The following PEG3 variants were observed in gnomAD, a reference collection of about 807,000 sequenced individuals.
The protein encoded by PEG3 is paternally-expressed gene 3 protein.
A neutral mutation model predicts 35.5 loss-of-function variants in PEG3; 23 were observed. The observed-to-expected ratio is 0.65, with a 90% confidence interval of 0.47 to 0.92. The LOEUF is 0.92. Among genes scored for constraint, PEG3 ranks in the 40% least tolerant of loss-of-function variants. The pLI is 0.00. For missense variants in PEG3, 1,960 were observed against 1,985.3 expected (o/e 0.99, Z 0.24); for synonymous variants, 707 against 697.0 (o/e 1.01, Z -0.23).
At position 56,815,294 on chromosome 19, in the gene PEG3, G is replaced by A. The variant is rs767625502; in HGVS notation, c.3148C>T (p.Gln1050Ter). 1 of 1,614,206 alleles carries A rather than the reference G, an allele frequency of 6.2e-7. No homozygotes were observed. The highest frequency in any genetic ancestry group is 8.5e-7 in the Non-Finnish European group (1 of 1,180,046). The change falls in exon 10 of 10, where the codon CAG (glutamine) becomes TAG (stop). Residue 1050 changes from glutamine (Q) to a stop codon, truncating the protein, a stop_gained. Coordinates refer to ENST00000326441, the MANE Select transcript of PEG3 (RefSeq NM_006210.3). LOFTEE classifies it low-confidence loss of function (END_TRUNC). ...GACTTCTCTTGGTCATAGATTTTCT[G>A]GTTTGTGTTGAGGTCTTCGCTGGTA... The part of the protein sequence containing the change: ...FATSEDLNTN[Q>*]KIYDQEKSHG...
Position 56,817,436 on chromosome 19 carries a change from C to G in PEG3, c.1006G>C (p.Asp336His), listed in dbSNP as rs145308658. The G allele has an allele frequency of 6.8e-4, 1,101 of 1,614,054 alleles. 4 individuals carry two copies. The highest frequency in any genetic ancestry group is 8.6e-4 in the South Asian group (78 of 91,062). Reference sequence around the variant, plus strand: ...ATTCTGGGGAATCTCTGTGACCGGTCGCTTGACTCCCTTGCTCTTCCCGAT... The same window carrying G: ...ATTCTGGGGAATCTCTGTGACCGGTGGCTTGACTCCCTTGCTCTTCCCGAT... ...SKSGRARESS[D>H]RSQRFPRMSD... The change falls in exon 10 of 10, where the codon GAC (aspartate) becomes CAC (histidine). Residue 336 changes from aspartate to histidine, a missense_variant. By Grantham distance (81) the Asp-to-His change is moderately conservative. This residue lies in a region of PEG3 where 613 missense variants were observed against 577.1 expected (regional missense o/e 1.06). Transcript: ENST00000326441.
rs139570920 is a variant in PEG3, at chr19:56,814,169, G to C, written c.4273C>G (p.Pro1425Ala). 2.7e-4 allele frequency: 434 copies of C among 1,614,070 alleles called. 2 individuals are homozygous for C. The African/African-American group carries it at 5.2e-3, about 19-fold the overall frequency. ...AAEPNGEAEG[P>A]DGEAAEPIGE... ...ATGGGCTCTGCAGCCTCTCCATCTG[G>C]CCCTTCAGCCTCTCCGTTTGGCTCA... Residue 1425 changes from proline (P) to alanine (A), a missense_variant, in exon 10 of 10, where the codon CCA becomes GCA. This residue lies in a region of PEG3 where 416 missense variants were observed against 416.7 expected (regional missense o/e 1.00). Transcript: ENST00000326441. The surrounding 1 kb of genome is among the most constrained non-coding windows in gnomAD (Gnocchi z 5.8).
In PEG3 at chr19:56,817,254, A is replaced by G. The variant is rs1337726509; in HGVS notation, c.1188T>C (p.Phe396=). 1.1e-5 allele frequency: 18 copies of G among 1,614,050 alleles called. No individual in the cohort carries two copies. The highest frequency in any genetic ancestry group is 1.4e-5 in the Non-Finnish European group (16 of 1,180,008). ...GAATCGAGCCCTTCCCATCTGTGTC[A>G]AAATGATAGCGCCTCTTTCTTTCAA... ...RVLERKRRYH[F]DTDGKGSIHD... is the part of the protein sequence containing the mutation. Residue 396 remains phenylalanine (F), a synonymous_variant, in exon 10 of 10, where the codon TTT becomes TTC. Coordinates refer to ENST00000326441, the MANE Select transcript of PEG3 (RefSeq NM_006210.3).
At position 56,814,718 on chromosome 19, in the gene PEG3, C is replaced by T. The variant is rs150101339; in HGVS notation, c.3724G>A (p.Glu1242Lys). 5.0e-6 allele frequency: 8 copies of T among 1,613,880 alleles called. No individual in the cohort carries two copies. In the African/African-American group the frequency reaches 5.3e-5, roughly 11 times the overall value. ...TCTTCCCTATGAAGTCTCATATGCT[C>T]ATTAAGGGCAGAGCTATGAATGAAG... is the stretch of plus-strand genomic sequence containing the variant. Reference protein sequence around the residue: ...QGFIHSSALNEHMRLHREDDL... With the variant: ...QGFIHSSALNKHMRLHREDDL... The change falls in exon 10 of 10, where the codon GAG becomes AAG. Residue 1242 changes from glutamate to lysine, a missense_variant. This residue lies in a region of PEG3 where 124 missense variants were observed against 179.6 expected (regional missense o/e 0.69). Transcript: ENST00000326441. The surrounding 1 kb of genome is among the most constrained non-coding windows in gnomAD (Gnocchi z 5.8).
chr19:56,830,981 G>C (rs915966259), intron 2 of PEG3, among the ~76,000 whole-genome samples: 4 of 151,726 alleles, frequency 2.6e-5, no homozygotes, highest in Non-Finnish European at 4.4e-5. Flanking sequence ...TGACAGAAGG[G>C]CAATAAGTCT....
intron 2 of PEG3, among the ~76,000 whole-genome samples, chr19:56,828,803 A>T (rs945801449): frequency 5.9e-5 from 9 of 152,236 alleles, no homozygotes; most frequent in Non-Finnish European, 1.0e-4. Flanking sequence ...AACATCAAAA[A>T]TCAAAGAAAT....
chr19:56,817,137 G>C lies in PEG3; in HGVS notation c.1305C>G (p.Ser435Arg). 6.2e-7 allele frequency: 1 copy of C among 1,614,166 alleles called. No homozygotes were observed. Among genetic ancestry groups the C allele is most frequent in the Non-Finnish European group, 8.5e-7 (1 of 1,180,000 alleles). Residue 435 changes from serine (S) to arginine (R), a missense_variant, in exon 10 of 10, where the codon AGC (serine) becomes AGG (arginine). Transcript: ENST00000326441. ...GCTGTGACTCGGTAAAGGAGGGGGA[G>C]CTGAGGCTGCTCAGGCTGCTCACGC... ...AMSVSSLSSLSSPSFTESQPI... is the reference protein window; with the variant it reads ...AMSVSSLSSLRSPSFTESQPI...
In PEG3 at chr19:56,824,495, T is replaced by A; in HGVS notation, c.161A>T (p.Tyr54Phe). 2.5e-6 allele frequency: 4 copies of A among 1,614,138 alleles called. No individual in the cohort carries two copies. The highest frequency in any genetic ancestry group is 3.4e-6 in the Non-Finnish European group (4 of 1,180,022). The change falls in exon 4 of 10, where the codon TAT (tyrosine) becomes TTT (phenylalanine). Residue 54 changes from tyrosine to phenylalanine, a missense_variant. Coordinates refer to ENST00000326441, the MANE Select transcript of PEG3 (RefSeq NM_006210.3). ...CTTCCGAGGCCCAACAAATTCCACA[T>A]AGATTAGGTTCCGAAACCTCTGATG... ...FFHQRFRNLI[Y>F]VEFVGPRKTL... is the part of the protein sequence containing the mutation.
chr19:56,812,899 A>G lies in PEG3; in HGVS notation c.*776T>C. 1.0e-6 allele frequency: 1 copy of G among 985,768 alleles called. No homozygotes were observed. Among genetic ancestry groups the G allele is most frequent in the Non-Finnish European group, 1.2e-6 (1 of 829,916 alleles). 61.1% of individuals were successfully genotyped at this position (985,768 alleles called of 1,614,324 possible). On this transcript the variant is annotated 3_prime_UTR_variant, in exon 10 of 10. Coordinates refer to ENST00000326441, the MANE Select transcript of PEG3 (RefSeq NM_006210.3). Reference sequence around the variant, plus strand: ...TCAACAAACATAACATGTGGCAACCAATCAATCTGGGTCACAAAAAGCCAA... The same window carrying G: ...TCAACAAACATAACATGTGGCAACCGATCAATCTGGGTCACAAAAAGCCAA...
At chr19:56,840,173 C>T (rs1312207454) in intron 1 of PEG3, among the ~76,000 whole-genome samples, 3 of 152,202 alleles carry the variant, frequency 2.0e-5, no homozygotes, top group Admixed American at 6.5e-5. Flanking sequence ...ACAGGGATAG[C>T]ATTGGTGTCG....
intron 7 of PEG3, among the ~76,000 whole-genome samples, chr19:56,820,441 C>T (rs1044941351): frequency 1.4e-4 from 21 of 152,160 alleles, no homozygotes; most frequent in African/African-American, 5.1e-4. Context: ...ATTTAAAAAG[C>T]AAAACAAGAC....
rs558945058 is a variant in PEG3 at position 56,827,395 on chromosome 19, A to AT, written c.-162-933dup. The stretch of plus-strand genomic sequence containing the variant: ...TAGAAGCCATTGAAAAATGGAAGTT[A>AT]TTTTTTTAACAGAAAAACCTTAAAA... On this transcript the variant is annotated intron_variant, in intron 2 of 9. Transcript: ENST00000326441. Among the ~76,000 whole-genome samples the AT allele has an allele frequency of 2.2e-3, 338 of 152,204 alleles. 2 individuals carry two copies. Among genetic ancestry groups the AT allele is most frequent in the Non-Finnish European group, 3.5e-3 (235 of 68,000 alleles).
Position 56,812,498 on chromosome 19 carries a change from A to C in PEG3, c.*1177T>G, listed in dbSNP as rs186307355. ...GAAGAGAATTAAGTTAGCGATAGAAAGATCTAAGGATACTAGCTCCTGGGC... is the reference window on the plus strand; with the variant it reads ...GAAGAGAATTAAGTTAGCGATAGAACGATCTAAGGATACTAGCTCCTGGGC... On this transcript the variant is annotated 3_prime_UTR_variant, in exon 10 of 10. Coordinates refer to ENST00000326441, the MANE Select transcript of PEG3 (RefSeq NM_006210.3). The C allele has an allele frequency of 1.0e-6, 1 of 985,630 alleles. No homozygotes were observed. Among genetic ancestry groups the C allele is most frequent in the Non-Finnish European group, 1.2e-6 (1 of 829,780 alleles). The allele number at this position is 985,630 out of a possible 1,614,324, so 61.1% of individuals were successfully genotyped here.
Position 56,816,662 on chromosome 19 carries a change from G to A in PEG3, c.1780C>T (p.Arg594Cys), listed in dbSNP as rs764907402. Residue 594 changes from arginine to cysteine, a missense_variant, in exon 10 of 10, where the codon CGT becomes TGT. By Grantham distance (180) the Arg-to-Cys change is radical. This residue lies in a region of PEG3 where 798 missense variants were observed against 782.4 expected (regional missense o/e 1.02). Transcript: ENST00000326441. ...CGTTCACGTTCACGTTCATGTTCACGCTCATTATCTTTGTCATCCCCAAAG... is the reference window on the plus strand; with the variant it reads ...CGTTCACGTTCACGTTCATGTTCACACTCATTATCTTTGTCATCCCCAAAG... ...IHFGDDKDNE[R>C]EHERERERER... The A allele has an allele frequency of 7.4e-6, 12 of 1,613,756 alleles. No homozygotes were observed. The highest frequency in any genetic ancestry group is 4.0e-5 in the African/African-American group (3 of 74,896).
intron 7 of PEG3, 67 bp downstream of exon 7, chr19:56,821,584 G>C: frequency 6.3e-7 from 1 of 1,585,670 alleles, no homozygotes; most frequent in East Asian, 2.2e-5. Context: ...ACCATCTGGG[G>C]AAAGAAAGGC....
chr19:56,839,806 A>T (rs908304914), intron 1 of PEG3, among the ~76,000 whole-genome samples: 3 of 151,754 alleles, frequency 2.0e-5, no homozygotes, highest in African/African-American at 7.3e-5. Flanking sequence ...ACCCTCATAA[A>T]AGATGGCACC....
In PEG3 at chr19:56,813,393, C is replaced by G; in HGVS notation, c.*282G>C. 1 of 1,219,792 alleles carries G rather than the reference C, an allele frequency of 8.2e-7. No individual in the cohort carries two copies. The highest frequency in any genetic ancestry group is 1.0e-6 in the Non-Finnish European group (1 of 975,942). The allele number at this position is 1,219,792 out of a possible 1,614,324, so 75.6% of individuals were successfully genotyped here. A position where few individuals can be genotyped will look rare whatever the true frequency, so the allele number is the denominator to read the frequency against. On this transcript the variant is annotated 3_prime_UTR_variant, in exon 10 of 10. Transcript: ENST00000326441. ...AGTTGATTTGGGCAAACTCTGTAGT[C>G]TGGAATACTCATAGGGTTTTCTCAA...
rs1418142454 is a variant in PEG3 at position 56,824,440 on chromosome 19, G to A, written c.216C>T (p.Leu72=). The change falls in exon 4 of 10, where the codon CTC becomes CTT. Residue 72 remains leucine, a synonymous_variant. Coordinates refer to ENST00000326441, the MANE Select transcript of PEG3 (RefSeq NM_006210.3). ...KTLIKLRNLC[L]DWLQPETRTK... ...TGCGGGTCTCCGGCTGCAACCAATC[G>A]AGGCAGAGGTTTCGGAGTTTGATCA... 10 of 1,613,994 alleles carry A rather than the reference G, an allele frequency of 6.2e-6. No homozygotes were observed. Among genetic ancestry groups the A allele is most frequent in the Non-Finnish European group, 8.5e-6 (10 of 1,180,024 alleles).
intron 1 of PEG3, among the ~76,000 whole-genome samples, chr19:56,840,145 C>A (rs2062830336): frequency 6.6e-6 from 1 of 152,222 alleles, no homozygotes; most frequent in African/African-American, 2.4e-5. Context: ...CTCCCGAGAG[C>A]CGCATTCCGC....
Sources: allele counts gnomAD v4.1 joint callset (sites outside exome capture counted in the v4.1 genomes callset), GRCh38; gene constraint gnomAD v4.1.1; regional missense constraint gnomAD v4.1.1; non-coding constraint Gnocchi (gnomAD v3.1); transcripts MANE v1.5; gene names NCBI Gene and HGNC (gene_info 2026-07-23, HGNC 2026-07-21).